The following PCDH15 variants were observed in gnomAD, a reference collection of about 807,000 sequenced individuals.
The protein encoded by PCDH15 is protocadherin-15.
Under a neutral mutation model 178.5 loss-of-function variants are expected in PCDH15, and 129 were observed. The observed-to-expected ratio is 0.72, with a 90% CI of 0.63 to 0.84. PCDH15 has a LOEUF of 0.84. Ranked by LOEUF, PCDH15 falls within the 40% of genes least tolerant of loss-of-function variation. The pLI, the probability that PCDH15 is intolerant of heterozygous loss-of-function variation, is 0.00. For missense variants in PCDH15, 2,230 were observed against 2,099.9 expected (o/e 1.06, Z -1.21); for synonymous variants, 800 against 732.0 (o/e 1.09, Z -1.50).
chr10:54,695,009 G>A (rs78496080), intron 1 of PCDH15, among the ~76,000 whole-genome samples: 12,192 of 151,112 alleles, frequency 0.081, 548 homozygotes, highest in South Asian at 0.15. Flanking sequence ...CTACTTCAGT[G>A]AGCACATGAA....
intron 7 of PCDH15, among the ~76,000 whole-genome samples, chr10:54,326,146 T>A (rs924281075): frequency 6.6e-6 from 1 of 152,086 alleles, no homozygotes. Flanking sequence ...AAATGTGAGA[T>A]CACTGAACTC....
In PCDH15 at chr10:54,513,021, C is replaced by A. The variant is rs998418605; in HGVS notation, c.157+14791G>T. On this transcript the variant is annotated intron_variant, in intron 3 of 37. Transcript: ENST00000644397. Reference sequence around the variant, plus strand: ...CTGTCATATGAAATTATCTAATACCCCTAAAATAAAATATAATTTTATAAA... The same window carrying A: ...CTGTCATATGAAATTATCTAATACCACTAAAATAAAATATAATTTTATAAA... Among the ~76,000 whole-genome samples, 115 of 151,732 alleles carry A rather than the reference C, an allele frequency of 7.6e-4. 1 individual carries two copies. Among genetic ancestry groups the A allele is most frequent in the Non-Finnish European group, 1.6e-4 (11 of 67,926 alleles).
intron 8 of PCDH15, among the ~76,000 whole-genome samples, chr10:54,309,084 T>A (rs2060731927): frequency 6.6e-6 from 1 of 151,880 alleles, no homozygotes; most frequent in Admixed American, 6.6e-5. Flanking sequence ...ACAGAAAAAA[T>A]TTTGAAAGTG....
chr10:55,622,256 G>C (rs757226137), intron 2 of PCDH15, among the ~76,000 whole-genome samples: 1 of 148,306 alleles, frequency 6.7e-6, no homozygotes, highest in Non-Finnish European at 1.5e-5. Flanking sequence ...TGATCTGCCA[G>C]CCTAGGCCTC....
chr10:55,027,632 C>G (rs1840506090), intron 2 of PCDH15, among the ~76,000 whole-genome samples: 1 of 151,786 alleles, frequency 6.6e-6, no homozygotes, highest in Non-Finnish European at 1.5e-5. Flanking sequence ...CTCACAACTT[C>G]TCTTCCCCTG....
intron 4 of PCDH15, among the ~76,000 whole-genome samples, chr10:54,374,871 G>A (rs933303427): frequency 6.6e-5 from 10 of 151,724 alleles, no homozygotes; most frequent in South Asian, 2.1e-4. Flanking sequence ...ATTCTTCCTC[G>A]GAAATTTTCA....
chr10:54,208,128 A>G (rs2051017239), intron 10 of PCDH15, among the ~76,000 whole-genome samples: 1 of 152,076 alleles, frequency 6.6e-6, no homozygotes, highest in Admixed American at 6.6e-5. Context: ...TAGTGTATCA[A>G]AGGTCAATTG....
intron 2 of PCDH15, among the ~76,000 whole-genome samples, chr10:55,592,706 T>C (rs1284408039): frequency 6.6e-6 from 1 of 152,136 alleles, no homozygotes; most frequent in Admixed American, 6.6e-5. Context: ...TTTTCAAGAA[T>C]TAGTTTAGGT....
At chr10:54,790,194 T>C (rs936040107) in intron 1 of PCDH15, among the ~76,000 whole-genome samples, 2 of 151,806 alleles carry the variant, frequency 1.3e-5, no homozygotes, top group Admixed American at 1.3e-4. Context: ...GCCAATTCTT[T>C]GCTTGAGTAC....
chr10:55,614,115 A>G (rs1408824537), intron 2 of PCDH15, among the ~76,000 whole-genome samples: 1 of 2,104 alleles, frequency 4.8e-4, no homozygotes, highest in African/African-American at 1.0e-3. Context: ...CTCCATCTCA[A>G]AAAAAAAAAA....
intron 28 of PCDH15, among the ~76,000 whole-genome samples, chr10:53,853,045 A>T (rs1482943480): frequency 3.9e-5 from 6 of 152,100 alleles, no homozygotes; most frequent in African/African-American, 1.4e-4. Context: ...TACAGTTCTT[A>T]TCACTACCAC....
chr10:55,082,704 T>C (rs112519941), intron 2 of PCDH15, among the ~76,000 whole-genome samples: 27 of 151,140 alleles, frequency 1.8e-4, no homozygotes, highest in African/African-American at 5.8e-4. Flanking sequence ...TAAATAAAAT[T>C]AGAGATGAAA....
intron 3 of PCDH15, among the ~76,000 whole-genome samples, chr10:54,419,480 A>G (rs1241248386): frequency 1.3e-5 from 2 of 152,052 alleles, no homozygotes; most frequent in African/African-American, 4.8e-5. Flanking sequence ...TATCTTAACT[A>G]GATTCATTGC....
At chr10:55,194,197 G>A (rs2132149915) in intron 1 of PCDH15, among the ~76,000 whole-genome samples, 1 of 152,122 alleles carries the variant, frequency 6.6e-6, no homozygotes, top group Admixed American at 6.6e-5. Context: ...TGATGTTATA[G>A]TGATTCATTG....
chr10:54,812,544 C>G (rs539942124), intron 3 of PCDH15, among the ~76,000 whole-genome samples: 1 of 151,910 alleles, frequency 6.6e-6, no homozygotes, highest in African/African-American at 2.4e-5. Flanking sequence ...CTGCAACTTC[C>G]GCCTCCCCGG....
intron 2 of PCDH15, among the ~76,000 whole-genome samples, chr10:55,066,080 T>C (rs1841557352): frequency 6.6e-6 from 1 of 151,960 alleles, no homozygotes; most frequent in South Asian, 2.1e-4. Flanking sequence ...TTTTTTTGCT[T>C]TATTTATATG....
intron 3 of PCDH15, among the ~76,000 whole-genome samples, chr10:54,817,061 T>C (rs1952959996): frequency 6.6e-6 from 1 of 152,080 alleles, no homozygotes; most frequent in East Asian, 1.9e-4. Flanking sequence ...TGCCAGTCTT[T>C]CAACCAGGAC....
At chr10:55,095,106 T>C (rs1369212029) in intron 2 of PCDH15, among the ~76,000 whole-genome samples, 2 of 151,692 alleles carry the variant, frequency 1.3e-5, no homozygotes, top group African/African-American at 4.8e-5. Context: ...TTGTTGTTAC[T>C]TTTATAATTA....
At chr10:55,002,835 C>T (rs1839824803) in intron 2 of PCDH15, among the ~76,000 whole-genome samples, 1 of 152,172 alleles carries the variant, frequency 6.6e-6, no homozygotes, top group Admixed American at 6.5e-5. Flanking sequence ...CAAAAGTACA[C>T]TGATGCAAGC....
Sources: gnomAD v4.1 joint callset for allele counts (sites outside exome capture counted in the v4.1 genomes callset) on GRCh38, gnomAD v4.1.1 for gene constraint, MANE v1.5 for transcripts, NCBI Gene and HGNC (gene_info 2026-07-23, HGNC 2026-07-21) for gene names.